The following SEC31A variants were observed in gnomAD, a reference collection of about 807,000 sequenced individuals.
The protein encoded by SEC31A is protein transport protein Sec31A.
A neutral mutation model predicts 151.0 loss-of-function variants in SEC31A; 70 were observed. That is an observed-to-expected ratio of 0.46 (90% CI 0.38 to 0.57). SEC31A has a LOEUF of 0.57. Among genes scored for constraint, SEC31A ranks in the 20% least tolerant of loss-of-function variants. The probability of loss-of-function intolerance (pLI) is 0.00; values close to 1 mark genes in which losing one functional copy is unlikely to be tolerated. For missense variants in SEC31A, 1,330 were observed against 1,471.2 expected (o/e 0.90, Z 1.57); for synonymous variants, 475 against 505.9 (o/e 0.94, Z 0.82).
In SEC31A at chr4:82,842,317, G is replaced by A. The variant is rs1729103352; in HGVS notation, c.2791C>T (p.Gln931Ter). ...GQSQLYAAQH[Q>*]ASSPTSSPAT... ...GGGCTGGAGGTAGGTGAAGAGGCCT[G>A]GTGCTGTGCTGCGTACAGCTGAGAC... Residue 931 changes from glutamine to a stop codon, truncating the protein, a stop_gained, in exon 22 of 27, where the codon CAG (glutamine) becomes TAG (stop). Transcript: ENST00000395310. LOFTEE classifies it high-confidence loss of function. 6.2e-7 allele frequency: 1 copy of A among 1,613,434 alleles called. No individual in the cohort carries two copies. The highest frequency in any genetic ancestry group is 8.5e-7 in the Non-Finnish European group (1 of 1,179,756).
upstream of SEC31A, chr4:82,900,562 T>C (rs980158970): frequency 3.7e-6 from 2 of 542,646 alleles, no homozygotes; most frequent in Non-Finnish European, 6.5e-6. Context: ...GGAGGAGCGG[T>C]CAAATGCACG....
intron 3 of SEC31A, among the ~76,000 whole-genome samples, chr4:82,880,460 G>A (rs746376924): frequency 6.8e-6 from 1 of 146,874 alleles, no homozygotes; most frequent in African/African-American, 2.5e-5. Context: ...AAGGTGGTGT[G>A]CACCTGTAAT....
At chr4:82,856,401 T>G (rs12502018) in intron 16 of SEC31A, among the ~76,000 whole-genome samples, 151,101 of 151,542 alleles carry the variant, frequency 1, 75,330 homozygotes, top group Middle Eastern at 1. Context: ...CCCCCACCTC[T>G]GCCTCCCAAA....
chr4:82,852,387 CA>C (rs1196289769), intron 18 of SEC31A, among the ~76,000 whole-genome samples: 1 of 152,104 alleles, frequency 6.6e-6, no homozygotes, highest in Admixed American at 6.5e-5. Flanking sequence ...ATGTGATTTC[CA>C]AAGGAGTTTA....
chr4:82,854,671 T>G (rs1732227893), intron 17 of SEC31A, among the ~76,000 whole-genome samples: 1 of 151,340 alleles, frequency 6.6e-6, no homozygotes, highest in Non-Finnish European at 1.5e-5. Context: ...GAGGCAAGAT[T>G]CCAACTCTTG....
chr4:82,891,586 G>T (rs1374775480), upstream of SEC31A, among the ~76,000 whole-genome samples: 1 of 152,216 alleles, frequency 6.6e-6, no homozygotes, highest in Non-Finnish European at 1.5e-5. Context: ...GGCTGCAAGG[G>T]CTTTATTGTA....
intron 25 of SEC31A, among the ~76,000 whole-genome samples, chr4:82,823,872 T>A (rs1723966022): frequency 6.6e-6 from 1 of 152,212 alleles, no homozygotes; most frequent in Admixed American, 6.5e-5. Context: ...AAATACAGTT[T>A]TGTTGATGAG....
At chr4:82,878,598 A>G (rs1738545892) in intron 4 of SEC31A, 132 bp downstream of exon 4, 1 of 680,120 alleles carries the variant, frequency 1.5e-6, no homozygotes, top group East Asian at 2.7e-5. Context: ...CATTCTTTAA[A>G]CAAACACTCG....
intron 22 of SEC31A, among the ~76,000 whole-genome samples, chr4:82,833,519 A>G (rs1212592641): frequency 1.6e-5 from 2 of 125,214 alleles, no homozygotes; most frequent in African/African-American, 5.3e-5. Flanking sequence ...CATGTAACCC[A>G]AAAGTTAAAT....
At chr4:82,855,171 A>G in intron 16 of SEC31A, 142 bp from the exon 17 acceptor site, 1 of 688,848 alleles carries the variant, frequency 1.5e-6, no homozygotes, top group Non-Finnish European at 2.3e-6. Context: ...TGACATAATA[A>G]TGGTATTATT....
At chr4:82,896,406 C>T (rs545585450) in intron 3 of SEC31A, among the ~76,000 whole-genome samples, 8 of 151,670 alleles carry the variant, frequency 5.3e-5, no homozygotes, top group South Asian at 4.2e-4. Context: ...TTAGTAGAGA[C>T]GGAGTTTCGC....
intron 1 of SEC31A, among the ~76,000 whole-genome samples, chr4:82,884,577 C>T (rs548665024): frequency 1.3e-5 from 2 of 152,254 alleles, no homozygotes; most frequent in East Asian, 3.9e-4. Context: ...ACTGAAACTC[C>T]ACAATTTATA....
chr4:82,892,427 A>G (rs983581279), upstream of SEC31A, among the ~76,000 whole-genome samples: 2 of 152,252 alleles, frequency 1.3e-5, no homozygotes, highest in Non-Finnish European at 2.9e-5. Flanking sequence ...TTACAGCTTC[A>G]TGCAGGTCTG....
chr4:82,891,063 G>C, intron 1 of SEC31A, 25 bp downstream of exon 1: 1 of 1,535,880 alleles, frequency 6.5e-7, no homozygotes. Context: ...CGGCGAAGAG[G>C]ACAAAAAGCA....
chr4:82,899,051 C>T (rs952578184), intron 3 of SEC31A, among the ~76,000 whole-genome samples: 1 of 152,122 alleles, frequency 6.6e-6, no homozygotes, highest in Non-Finnish European at 1.5e-5. Flanking sequence ...AGTACTGATA[C>T]GTGCTATAAG....
intron 25 of SEC31A, among the ~76,000 whole-genome samples, chr4:82,822,239 T>C (rs1429299559): frequency 6.6e-6 from 1 of 151,988 alleles, no homozygotes; most frequent in South Asian, 2.1e-4. Context: ...GAAAAGATAC[T>C]AAATGAACAA....
rs375899367 is a variant in SEC31A at position 82,861,580 on chromosome 4, T to C, written c.1626+51A>G. On this transcript the variant is annotated intron_variant, in intron 14 of 26. Transcript: ENST00000395310. ...AAATTTTCCTTATTTTAATGTGAGA[T>C]ACACAAATATCACAAATTTGTCCAA... 549 of 1,222,998 alleles carry C rather than the reference T, an allele frequency of 4.5e-4. 1 individual carries two copies. Among genetic ancestry groups the C allele is most frequent in the Non-Finnish European group, 5.8e-4 (499 of 854,228 alleles). 75.8% of individuals were successfully genotyped at this position (1,222,998 alleles called of 1,614,324 possible). A position where few individuals can be genotyped will look rare whatever the true frequency, so the allele number is the denominator to read the frequency against.
intron 1 of SEC31A, chr4:82,890,629 G>A (rs929663472): frequency 2.2e-5 from 11 of 493,546 alleles, no homozygotes; most frequent in Non-Finnish European, 2.9e-5. Flanking sequence ...AATGACAGTA[G>A]ACGTCAGTTC....
intron 22 of SEC31A, among the ~76,000 whole-genome samples, chr4:82,837,250 T>C (rs1465336631): frequency 2.0e-5 from 3 of 146,440 alleles, no homozygotes; most frequent in Non-Finnish European, 4.5e-5. Flanking sequence ...TGCATGTATG[T>C]ATGTGTATGT....
Sources: gnomAD v4.1 joint callset for allele counts (sites outside exome capture counted in the v4.1 genomes callset) on GRCh38, gnomAD v4.1.1 for gene constraint, MANE v1.5 for transcripts, NCBI Gene and HGNC (gene_info 2026-07-23, HGNC 2026-07-21) for gene names.